The following SLC8A3 variants were observed in gnomAD, a reference collection of about 807,000 sequenced individuals.
SLC8A3 encodes the protein solute carrier family 8 member A3, also known as sodium/calcium exchanger 3.
Under a neutral mutation model 65.4 loss-of-function variants are expected in SLC8A3, and 37 were observed. The observed-to-expected ratio is 0.57, with a 90% CI of 0.44 to 0.74. The LOEUF (loss-of-function observed/expected upper bound fraction) is 0.74. SLC8A3 is among the 30% of genes least tolerant of loss of function. The probability of loss-of-function intolerance (pLI) is 0.00; values close to 1 mark genes in which losing one functional copy is unlikely to be tolerated. For missense variants in SLC8A3, 1,112 were observed against 1,172.1 expected, an observed-to-expected ratio of 0.95 and a Z score of 0.75; for synonymous variants, 461 against 444.5, an observed-to-expected ratio of 1.04 and a Z score of -0.47.
chr14:70,114,222 G>C (rs933586336), intron 2 of SLC8A3, among the ~76,000 whole-genome samples: 15 of 152,148 alleles, frequency 9.9e-5, no homozygotes, highest in Non-Finnish European at 1.0e-4. Context: ...ACAGTGCTGG[G>C]CTTCAGCACT....
At chr14:70,185,252 C>G (rs544232179) in intron 1 of SLC8A3, among the ~76,000 whole-genome samples, 14 of 152,322 alleles carry the variant, frequency 9.2e-5, no homozygotes, top group African/African-American at 3.4e-4. Flanking sequence ...CAGGCGTGAG[C>G]CACCACGCCC....
chr14:70,089,487 A>C (rs1043166335), intron 2 of SLC8A3, among the ~76,000 whole-genome samples: 1 of 152,208 alleles, frequency 6.6e-6, no homozygotes, highest in African/African-American at 2.4e-5. Context: ...AAGGTTTGCT[A>C]CTGGGTGAAA....
At chr14:70,121,065 C>G (rs1306499213) in intron 2 of SLC8A3, among the ~76,000 whole-genome samples, 1 of 152,200 alleles carries the variant, frequency 6.6e-6, no homozygotes, top group Admixed American at 6.5e-5. Flanking sequence ...GGCCCAGAAT[C>G]TGCAACATGA....
chr14:70,096,232 C>A (rs1396079615), intron 2 of SLC8A3, among the ~76,000 whole-genome samples: 2 of 152,128 alleles, frequency 1.3e-5, no homozygotes, highest in African/African-American at 4.8e-5. Context: ...GGTGCCTTTA[C>A]TGGGTTCCTG....
intron 2 of SLC8A3, among the ~76,000 whole-genome samples, chr14:70,150,194 T>C (rs1213348815): frequency 6.6e-6 from 1 of 152,192 alleles, no homozygotes; most frequent in African/African-American, 2.4e-5. Flanking sequence ...CTAGGCACTA[T>C]GCTAAACGTT....
chr14:70,059,956 G>T (rs1476787595), intron 3 of SLC8A3, among the ~76,000 whole-genome samples: 1 of 152,162 alleles, frequency 6.6e-6, no homozygotes, highest in Non-Finnish European at 1.5e-5. Context: ...TTTAGAGGTT[G>T]CATTGTCCCA....
chr14:70,151,895 T>C (rs560537064), intron 2 of SLC8A3, among the ~76,000 whole-genome samples: 1 of 150,894 alleles, frequency 6.6e-6, no homozygotes, highest in South Asian at 2.1e-4. Flanking sequence ...ATACCAGTCA[T>C]AGGATCTAGG....
At chr14:70,155,218 G>A (rs1472728914) in intron 2 of SLC8A3, among the ~76,000 whole-genome samples, 1 of 152,050 alleles carries the variant, frequency 6.6e-6, no homozygotes, top group African/African-American at 2.4e-5. Context: ...ACCACGCCCA[G>A]CTGAATATTT....
rs1168095344 is a variant in SLC8A3 at position 70,060,815 on chromosome 14, TG to T, written c.1888+20del. On this transcript the variant is annotated intron_variant, in intron 3 of 6. Coordinates refer to ENST00000356921, the MANE Select transcript of SLC8A3 (RefSeq NM_182932.3). ...TTTTCTTTCTTTTTTTTTGTTGTTT[TG>T]TTTTTAAAGAATCTCACACCTGATA... is the stretch of plus-strand genomic sequence containing the variant. 4.3e-6 allele frequency: 5 copies of T among 1,167,222 alleles called. No homozygotes were observed. In the Admixed American group the frequency reaches 9.2e-5, roughly 22 times the overall value. 72.3% of individuals were successfully genotyped at this position (1,167,222 alleles called of 1,614,324 possible).
chr14:70,127,241 G>T (rs574734382), intron 2 of SLC8A3, among the ~76,000 whole-genome samples: 5 of 152,258 alleles, frequency 3.3e-5, no homozygotes, highest in African/African-American at 1.2e-4. Context: ...CAAATATTCT[G>T]TTACTTGAAA....
At chr14:70,129,946 C>A (rs1894711714) in intron 2 of SLC8A3, among the ~76,000 whole-genome samples, 1 of 152,230 alleles carries the variant, frequency 6.6e-6, no homozygotes, top group Admixed American at 6.5e-5. Context: ...GGGTGGGACA[C>A]CAGGATAAAT....
intron 6 of SLC8A3, chr14:70,048,474 G>A (rs1184476192): frequency 1.2e-5 from 7 of 601,034 alleles, no homozygotes; most frequent in Admixed American, 5.8e-5. Flanking sequence ...TGTGAAGTGG[G>A]GATAATAACT....
intron 1 of SLC8A3, among the ~76,000 whole-genome samples, chr14:70,169,378 C>T (rs1897352388): frequency 1.3e-5 from 2 of 152,118 alleles, no homozygotes; most frequent in South Asian, 2.1e-4. Flanking sequence ...TTTAAGCAGG[C>T]AGTAACAGGA....
intron 2 of SLC8A3, among the ~76,000 whole-genome samples, chr14:70,067,883 T>A (rs1889612970): frequency 1.3e-5 from 2 of 152,176 alleles, no homozygotes; most frequent in African/African-American, 4.8e-5. Flanking sequence ...GGCAGTTACT[T>A]AATGGTCATG....
At position 70,049,020 on chromosome 14, in the gene SLC8A3, T is replaced by C. The variant is rs1420230702; in HGVS notation, c.2136A>G (p.Glu712=). ...VSAAGDEDED[E]SGEERLPSCF... ...AGGAGGGCAGCCTCTCCTCCCCGGA[T>C]TCATCCTCATCCTCATCCCCTGCTG... The change falls in exon 6 of 7, where the codon GAA becomes GAG. Residue 712 remains glutamate (E), a synonymous_variant. Coordinates refer to ENST00000356921, the MANE Select transcript of SLC8A3 (RefSeq NM_182932.3). 1.9e-6 allele frequency: 3 copies of C among 1,612,432 alleles called. No homozygotes were observed. The African/African-American group carries it at 4.0e-5, about 22-fold the overall frequency.
chr14:70,148,171 C>A (rs1896051178), intron 2 of SLC8A3, among the ~76,000 whole-genome samples: 1 of 152,112 alleles, frequency 6.6e-6, no homozygotes, highest in Admixed American at 6.5e-5. Context: ...ATGTTTTTGT[C>A]CACTTGTAGA....
At chr14:70,056,567 T>G (rs754030880) in intron 3 of SLC8A3, among the ~76,000 whole-genome samples, 3 of 152,270 alleles carry the variant, frequency 2.0e-5, no homozygotes, top group Non-Finnish European at 4.4e-5. Flanking sequence ...GTATCACCTC[T>G]GCTTAGCAAA....
rs1001877456 is a variant in SLC8A3, at chr14:70,048,750, G to A, written c.2389+17C>T. On this transcript the variant is annotated intron_variant, in intron 6 of 6. Coordinates refer to ENST00000356921, the MANE Select transcript of SLC8A3 (RefSeq NM_182932.3). ...GGTAAAATCCTCTTTGCAAATTCAA[G>A]CACCTCTCACTCTCACCTGGGACAG... 4.3e-6 allele frequency: 7 copies of A among 1,610,812 alleles called. No homozygotes were observed. In the South Asian group the frequency reaches 5.5e-5, roughly 13 times the overall value.
At chr14:70,170,547 C>G (rs1897461804) in intron 1 of SLC8A3, among the ~76,000 whole-genome samples, 1 of 152,150 alleles carries the variant, frequency 6.6e-6, no homozygotes, top group Non-Finnish European at 1.5e-5. Context: ...ATGTAGTCAC[C>G]AATGAAGCTT....
Sources: allele counts gnomAD v4.1 joint callset (sites outside exome capture counted in the v4.1 genomes callset), GRCh38; gene constraint gnomAD v4.1.1; transcripts MANE v1.5; gene names NCBI Gene and HGNC (gene_info 2026-07-23, HGNC 2026-07-21).